The following ADARB1 variants were observed in gnomAD, a reference collection of about 807,000 sequenced individuals.
ADARB1 encodes adenosine deaminase RNA specific B1, also known as double-stranded RNA-specific editase 1.
Under a neutral mutation model 52.4 loss-of-function variants are expected in ADARB1, and 10 were observed. The ratio of observed to expected loss-of-function variants is 0.19; its 90% CI spans 0.12 to 0.32. The LOEUF is 0.32. Ranked by LOEUF, ADARB1 falls within the 10% of genes least tolerant of loss-of-function variation. ADARB1 has a pLI of 1.00. For synonymous variants in ADARB1, 349 were observed against 371.1 expected, an observed-to-expected ratio of 0.94 and a Z score of 0.68; for missense variants, 643 against 922.3, an observed-to-expected ratio of 0.70 and a Z score of 3.92.
In ADARB1 at chr21:45,220,117, G is replaced by A. The variant is rs1354262280; in HGVS notation, c.1748-719G>A. 6.6e-6 allele frequency among the ~76,000 whole-genome samples: 1 copy of A among 151,656 alleles called. No individual in the cohort carries two copies. The highest frequency in any genetic ancestry group is 1.5e-5 in the Non-Finnish European group (1 of 67,958). On this transcript the variant is annotated intron_variant, in intron 9 of 10. Coordinates refer to ENST00000348831, the MANE Select transcript of ADARB1 (RefSeq NM_001112.4). This position sits in a 1 kb window ranked among gnomAD's most constrained non-coding sequence, Gnocchi z 6.3. ...GAAGTCATGTAGCTCTGATAGGAGCGCTTTTCAAACAGATGTCTTAATCTT... is the reference window on the plus strand; with the variant it reads ...GAAGTCATGTAGCTCTGATAGGAGCACTTTTCAAACAGATGTCTTAATCTT...
At chr21:45,094,001 A>G (rs535083678) in intron 1 of ADARB1, among the ~76,000 whole-genome samples, 4 of 152,118 alleles carry the variant, frequency 2.6e-5, no homozygotes, top group Non-Finnish European at 4.4e-5. Context: ...GATTGATCCA[A>G]TTATTTGTCT....
chr21:45,164,594 T>G (rs2091162280), intron 2 of ADARB1, among the ~76,000 whole-genome samples: 1 of 151,220 alleles, frequency 6.6e-6, no homozygotes, highest in Non-Finnish European at 1.5e-5. Context: ...TAAGGTGGGG[T>G]CTGATGAAGC....
At chr21:45,164,428 A>C (rs1399697967) in intron 2 of ADARB1, among the ~76,000 whole-genome samples, 1 of 151,698 alleles carries the variant, frequency 6.6e-6, no homozygotes, top group African/African-American at 2.4e-5. Flanking sequence ...GGAGGGGTGG[A>C]GGAGACCGAG....
chr21:45,152,684 C>T (rs1158017973), intron 2 of ADARB1: 2 of 444,862 alleles, frequency 4.5e-6, no homozygotes, highest in Non-Finnish European at 4.5e-6. Flanking sequence ...TAAAAGGAGG[C>T]GCAAGAAGCG....
chr21:45,104,320 C>T (rs112432039), intron 1 of ADARB1, among the ~76,000 whole-genome samples: 2 of 152,124 alleles, frequency 1.3e-5, no homozygotes, highest in East Asian at 3.8e-4. Flanking sequence ...GCTTGGATTC[C>T]GGAGTTGTCC....
At chr21:45,160,510 C>A (rs2090908840) in intron 2 of ADARB1, among the ~76,000 whole-genome samples, 1 of 152,232 alleles carries the variant, frequency 6.6e-6, no homozygotes, top group Admixed American at 6.5e-5. Context: ...CACTGCTTTG[C>A]CATGATGATT....
At chr21:45,084,010 C>G (rs995133590) in intron 1 of ADARB1, among the ~76,000 whole-genome samples, 1 of 152,212 alleles carries the variant, frequency 6.6e-6, no homozygotes. Context: ...AAAAAAGCAT[C>G]TCTTATAAGC....
rs542315512 is a variant in ADARB1 at position 45,221,967 on chromosome 21, T to C, written c.1927-51T>C. The C allele has an allele frequency of 6.3e-7, 1 of 1,580,548 alleles. No individual in the cohort carries two copies. Among genetic ancestry groups the C allele is most frequent in the East Asian group, 2.2e-5 (1 of 44,704 alleles). Reference sequence around the variant, plus strand: ...TTTTGGTATCTTATTAGGTGTTGTTTTCATCTGTTACAGCGTCAACAGTTG... The same window carrying C: ...TTTTGGTATCTTATTAGGTGTTGTTCTCATCTGTTACAGCGTCAACAGTTG... On this transcript the variant is annotated intron_variant, in intron 10 of 10. Coordinates refer to ENST00000348831, the MANE Select transcript of ADARB1 (RefSeq NM_001112.4). The surrounding 1 kb of genome is among the most constrained non-coding windows in gnomAD (Gnocchi z 4.9).
chr21:45,083,458 A>G (rs1342251705), intron 1 of ADARB1, among the ~76,000 whole-genome samples: 2 of 152,204 alleles, frequency 1.3e-5, no homozygotes, highest in African/African-American at 4.8e-5. Context: ...GACATAGTAA[A>G]TTATCTGTTG....
Position 45,183,349 on chromosome 21 carries a change from T to C in ADARB1, c.1248-13T>C, listed in dbSNP as rs1443412319. 6 of 1,592,750 alleles carry C rather than the reference T, an allele frequency of 3.8e-6. No individual in the cohort carries two copies. Among genetic ancestry groups the C allele is most frequent in the Non-Finnish European group, 5.1e-6 (6 of 1,173,708 alleles). ...AGCTTTAAATGTTACTTTTGCAACTTTTTTCCTTTCAGTAACAAAGATGAT... is the reference window on the plus strand; with the variant it reads ...AGCTTTAAATGTTACTTTTGCAACTCTTTTCCTTTCAGTAACAAAGATGAT... On this transcript the variant is annotated splice_polypyrimidine_tract_variant and intron_variant, in intron 6 of 10. Transcript: ENST00000348831.
Position 45,224,770 on chromosome 21 carries a change from G to A in ADARB1, c.*2573G>A. 1.0e-6 allele frequency: 1 copy of A among 987,474 alleles called. No homozygotes were observed. Among genetic ancestry groups the A allele is most frequent in the South Asian group, 4.6e-5 (1 of 21,724 alleles). 61.2% of individuals were successfully genotyped at this position (987,474 alleles called of 1,614,324 possible). On this transcript the variant is annotated 3_prime_UTR_variant, in exon 11 of 11. Coordinates refer to ENST00000348831, the MANE Select transcript of ADARB1 (RefSeq NM_001112.4). ...GAAGGTGACGTGCAGGGGACCAGAG[G>A]CTCTGCACTGCTCCTAGGACAGCTC...
intron 1 of ADARB1, among the ~76,000 whole-genome samples, chr21:45,109,124 T>G (rs541359385): frequency 4.0e-5 from 6 of 151,590 alleles, no homozygotes; most frequent in Admixed American, 1.3e-4. Flanking sequence ...CGCTGCTGCC[T>G]CCTCCTGTAT....
Position 45,074,712 on chromosome 21 carries a change from C to T in ADARB1, c.-301C>T, listed in dbSNP as rs2085840639. The T allele has an allele frequency of 2.1e-5, 3 of 146,184 alleles. No individual in the cohort carries two copies. The highest frequency in any genetic ancestry group is 4.9e-5 in the African/African-American group (2 of 40,732). The allele number at this position is 146,184 out of a possible 1,614,324, so 9.1% of individuals were successfully genotyped here. A position where few individuals can be genotyped will look rare whatever the true frequency, so the allele number is the denominator to read the frequency against. ...GCGCCGCTGCGCACAACCAACGAGG[C>T]AGAGCGCCGCCCGGCGCGAGACTGC... On this transcript the variant is annotated 5_prime_UTR_variant, in exon 1 of 11. Transcript: ENST00000348831.
intron 2 of ADARB1, among the ~76,000 whole-genome samples, chr21:45,149,251 C>T (rs960256199): frequency 6.6e-6 from 1 of 152,196 alleles, no homozygotes; most frequent in African/African-American, 2.4e-5. Context: ...ATCCTGACAC[C>T]AGCTCTGTCC....
At chr21:45,182,236 C>T (rs558270605) in intron 5 of ADARB1, among the ~76,000 whole-genome samples, 1 of 152,150 alleles carries the variant, frequency 6.6e-6, no homozygotes, top group Admixed American at 6.5e-5. Context: ...GTTAGTCCAC[C>T]TTTCCATAGT....
Position 45,157,882 on chromosome 21 carries a change from G to A in ADARB1, c.-47-13728G>A, listed in dbSNP as rs541463998. On this transcript the variant is annotated intron_variant, in intron 2 of 10. Coordinates refer to ENST00000348831, the MANE Select transcript of ADARB1 (RefSeq NM_001112.4). This position sits in a 1 kb window ranked among gnomAD's most constrained non-coding sequence, Gnocchi z 4.1. ...TTGCTTCTAGTCCAGCAATAGAAAG[G>A]TGAGAAAGAATACAGAGAAGCACGC... 3.9e-5 allele frequency among the ~76,000 whole-genome samples: 6 copies of A among 152,308 alleles called. No homozygotes were observed. The East Asian group carries it at 1.2e-3, about 29-fold the overall frequency.
Position 45,208,193 on chromosome 21 carries a change from G to A in ADARB1, c.1747+3457G>A, listed in dbSNP as rs1239568758. ...AGCTCCTCAGCTGGCCCAGTTTGTT[G>A]TCCAACGCTCACTAAGATAAACCAA... On this transcript the variant is annotated intron_variant, in intron 9 of 10. Coordinates refer to ENST00000348831, the MANE Select transcript of ADARB1 (RefSeq NM_001112.4). The surrounding 1 kb of genome is among the most constrained non-coding windows in gnomAD (Gnocchi z 5.6). 6.6e-6 allele frequency among the ~76,000 whole-genome samples: 1 copy of A among 152,172 alleles called. No homozygotes were observed. Among genetic ancestry groups the A allele is most frequent in the Non-Finnish European group, 1.5e-5 (1 of 68,036 alleles).
At chr21:45,087,505 C>G (rs941027112) in intron 1 of ADARB1, among the ~76,000 whole-genome samples, 1 of 152,188 alleles carries the variant, frequency 6.6e-6, no homozygotes, top group Non-Finnish European at 1.5e-5. Flanking sequence ...GAGCCAGAAA[C>G]AAAAGAGATG....
intron 1 of ADARB1, among the ~76,000 whole-genome samples, chr21:45,112,232 C>G (rs1427039609): frequency 6.6e-6 from 1 of 152,234 alleles, no homozygotes; most frequent in Non-Finnish European, 1.5e-5. Context: ...CATCCTTCTT[C>G]AAGAAAATAC....
Sources: gnomAD v4.1 joint callset for allele counts (sites outside exome capture counted in the v4.1 genomes callset) on GRCh38, gnomAD v4.1.1 for gene constraint, Gnocchi (gnomAD v3.1) non-coding constraint, MANE v1.5 for transcripts, NCBI Gene and HGNC (gene_info 2026-07-23, HGNC 2026-07-21) for gene names.